Variants in SORBS2 observed in about 807,000 individuals in gnomAD.
The protein encoded by SORBS2 is sorbin and SH3 domain-containing protein 2.
A neutral mutation model predicts 97.7 loss-of-function variants in SORBS2; 46 were observed. The observed-to-expected ratio is 0.47, with a 90% confidence interval of 0.37 to 0.60. The LOEUF is 0.60. SORBS2 is among the 20% of genes least tolerant of loss of function. SORBS2 has a pLI of 0.00. For synonymous variants in SORBS2, 476 were observed against 473.4 expected (o/e 1.01, Z -0.07); for missense variants, 1,316 against 1,282.3 (o/e 1.03, Z -0.40).
chr4:185,838,605 G>A (rs572122947), intron 1 of SORBS2, among the ~76,000 whole-genome samples: 5 of 152,264 alleles, frequency 3.3e-5, no homozygotes, highest in Admixed American at 3.3e-4. Flanking sequence ...AGAAACTAAG[G>A]GCAGCTCAGT....
At chr4:185,923,454 C>T (rs1177422906) in intron 1 of SORBS2, among the ~76,000 whole-genome samples, 1 of 101,978 alleles carries the variant, frequency 9.8e-6, no homozygotes, top group African/African-American at 3.6e-5. Flanking sequence ...CCATGCTTGG[C>T]TAAGTTTCTT....
intron 1 of SORBS2, among the ~76,000 whole-genome samples, chr4:185,867,758 C>T (rs578089371): frequency 3.9e-5 from 6 of 152,218 alleles, no homozygotes; most frequent in East Asian, 3.9e-4. Context: ...AGTCCATTAT[C>T]GACTCTCTCT....
At chr4:185,840,748 C>T (rs1366946900) in intron 1 of SORBS2, among the ~76,000 whole-genome samples, 1 of 152,204 alleles carries the variant, frequency 6.6e-6, no homozygotes, top group East Asian at 1.9e-4. Context: ...ATTCATTCAA[C>T]CATTGCTCTG....
intron 1 of SORBS2, among the ~76,000 whole-genome samples, chr4:185,938,729 C>T (rs1217104761): frequency 6.6e-6 from 1 of 152,004 alleles, no homozygotes; most frequent in Admixed American, 6.6e-5. Flanking sequence ...CACCACTCCC[C>T]ACAACTGCTT....
chr4:185,818,319 A>G (rs1301759828), intron 1 of SORBS2, among the ~76,000 whole-genome samples: 6 of 151,996 alleles, frequency 3.9e-5, no homozygotes, highest in African/African-American at 1.4e-4. Context: ...CCTCCCGAGT[A>G]GCTGGGATTA....
chr4:185,765,927 T>G (rs2098931889), intron 2 of SORBS2, among the ~76,000 whole-genome samples: 1 of 152,196 alleles, frequency 6.6e-6, no homozygotes, highest in African/African-American at 2.4e-5. Context: ...ACTTAATTTT[T>G]GTCTTATTCT....
chr4:185,643,630 T>C (rs1276961846), intron 4 of SORBS2, among the ~76,000 whole-genome samples: 2 of 152,020 alleles, frequency 1.3e-5, no homozygotes, highest in Admixed American at 1.3e-4. Flanking sequence ...CAGTGGCACT[T>C]CTCCTGGCAG....
rs957641732 is a variant in SORBS2, at chr4:185,730,600, T to C, written c.-198+44627A>G. Among the ~76,000 whole-genome samples, 7 of 152,330 alleles carry C rather than the reference T, an allele frequency of 4.6e-5. 2 individuals are homozygous for C. Among genetic ancestry groups the C allele is most frequent in the Admixed American group, 4.6e-4 (7 of 15,308 alleles). ...CAGGAAGTCCTTGAGCGAGTCTCTT[T>C]GTAGTTCCTCCAAGAAAGGATGCTC... On this transcript the variant is annotated intron_variant, in intron 2 of 20. Coordinates refer to the SORBS2 transcript ENST00000284776.
chr4:185,800,350 T>C (rs1180613076), intron 1 of SORBS2, among the ~76,000 whole-genome samples: 3 of 152,208 alleles, frequency 2.0e-5, no homozygotes, highest in Non-Finnish European at 4.4e-5. Flanking sequence ...AATGAGTCTT[T>C]GACTTTCAGA....
intron 2 of SORBS2, among the ~76,000 whole-genome samples, chr4:185,706,309 A>G (rs2098340542): frequency 6.6e-6 from 1 of 152,224 alleles, no homozygotes; most frequent in Non-Finnish European, 1.5e-5. Context: ...CTGTTTGTAT[A>G]TATCTTACCA....
At chr4:185,878,876 G>A (rs2099235144) in intron 1 of SORBS2, among the ~76,000 whole-genome samples, 2 of 152,148 alleles carry the variant, frequency 1.3e-5, no homozygotes, top group Non-Finnish European at 2.9e-5. Flanking sequence ...CTTTCCGTGT[G>A]TGGCAGTAGG....
At chr4:185,602,982 TCA>T (rs2096300503) in intron 12 of SORBS2, among the ~76,000 whole-genome samples, 1 of 152,246 alleles carries the variant, frequency 6.6e-6, no homozygotes, top group Non-Finnish European at 1.5e-5. Flanking sequence ...CTGGAGTTAG[TCA>T]GAAGTATCTC....
intron 1 of SORBS2, among the ~76,000 whole-genome samples, chr4:185,934,194 G>T (rs966586932): frequency 8.5e-5 from 13 of 152,132 alleles, no homozygotes; most frequent in African/African-American, 3.1e-4. Context: ...TTCGAACACT[G>T]TTTGAATAAC....
At chr4:185,597,993 T>C (rs1009465263) in intron 12 of SORBS2, among the ~76,000 whole-genome samples, 2 of 152,218 alleles carry the variant, frequency 1.3e-5, no homozygotes, top group African/African-American at 2.4e-5. Flanking sequence ...GCCACCAGCA[T>C]TTTTGGTCCG....
chr4:185,628,539 G>T (rs1202678750), intron 5 of SORBS2, among the ~76,000 whole-genome samples: 1 of 152,206 alleles, frequency 6.6e-6, no homozygotes. Context: ...ATGGCTCAAG[G>T]TCAGGAGTTT....
At chr4:185,656,507 AG>A in intron 1 of SORBS2, 2 of 597,648 alleles carry the variant, frequency 3.3e-6, no homozygotes, top group South Asian at 5.5e-5. Flanking sequence ...TTGGCTGCCC[AG>A]GTCTGCATTC....
At chr4:185,759,479 G>T (rs1054596634) in intron 2 of SORBS2, among the ~76,000 whole-genome samples, 1 of 152,168 alleles carries the variant, frequency 6.6e-6, no homozygotes, top group East Asian at 1.9e-4. Context: ...GATGACAAAG[G>T]ATATTGCATA....
At chr4:185,797,283 T>A (rs1368911968) in intron 1 of SORBS2, among the ~76,000 whole-genome samples, 1 of 152,170 alleles carries the variant, frequency 6.6e-6, no homozygotes, top group Admixed American at 6.5e-5. Flanking sequence ...CCCGGCCCCG[T>A]CACCTTAGTT....
intron 1 of SORBS2, among the ~76,000 whole-genome samples, chr4:185,900,123 A>T (rs2099246947): frequency 6.6e-6 from 1 of 152,242 alleles, no homozygotes; most frequent in African/African-American, 2.4e-5. Context: ...GTAAGAACCC[A>T]TCTCTAAAAA....
Sources: allele counts gnomAD v4.1 joint callset (sites outside exome capture counted in the v4.1 genomes callset), GRCh38; gene constraint gnomAD v4.1.1; transcripts MANE v1.5; gene names NCBI Gene and HGNC (gene_info 2026-07-23, HGNC 2026-07-21).